Variants in TPM3 observed in about 807,000 individuals in gnomAD.
TPM3 encodes the protein tropomyosin alpha-3 chain.
A neutral mutation model predicts 43.1 loss-of-function variants in TPM3; 16 were observed. The ratio of observed to expected loss-of-function variants is 0.37; its 90% CI spans 0.25 to 0.56. The LOEUF (loss-of-function observed/expected upper bound fraction) is 0.56. Ranked by LOEUF, TPM3 falls within the 20% of genes least tolerant of loss-of-function variation. The pLI is 0.77. For synonymous variants in TPM3, 101 were observed against 116.9 expected, an observed-to-expected ratio of 0.86 and a Z score of 0.88; for missense variants, 176 against 337.2, an observed-to-expected ratio of 0.52 and a Z score of 3.74.
intron 9 of TPM3, 54 bp from the exon 10 acceptor site, chr1:154,167,994 T>G (rs542907687): frequency 2.5e-6 from 4 of 1,612,050 alleles, no homozygotes; most frequent in Non-Finnish European, 3.4e-6. Context: ...TCAATCTAGA[T>G]AGCAAACTGG....
At chr1:154,161,800 T>C (rs898259930), downstream of TPM3, among the ~76,000 whole-genome samples, 7 of 152,144 alleles carry the variant, frequency 4.6e-5, no homozygotes, top group East Asian at 1.9e-4. Flanking sequence ...AGGGAAGAAA[T>C]AAAGAGACAG....
At chr1:154,191,077 A>C in intron 2 of TPM3, 109 bp downstream of exon 2, 1 of 1,543,894 alleles carries the variant, frequency 6.5e-7, no homozygotes, top group Non-Finnish European at 8.9e-7. Context: ...ATGTGAGTAT[A>C]TATGTCTGTG....
intron 2 of TPM3, among the ~76,000 whole-genome samples, chr1:154,185,324 G>A (rs1346189166): frequency 6.7e-6 from 1 of 148,812 alleles, no homozygotes; most frequent in Non-Finnish European, 1.5e-5. Context: ...AGTGAGCTGA[G>A]ATGGTGCCAC....
In TPM3 at chr1:154,187,719, A is replaced by G. The variant is rs1047743985; in HGVS notation, c.243+3467T>C. Among the ~76,000 whole-genome samples, 19 of 151,362 alleles carry G rather than the reference A, an allele frequency of 1.3e-4. 1 individual carries two copies. The highest frequency in any genetic ancestry group is 4.4e-4 in the African/African-American group (18 of 40,728). ...CAGCCTCTATGTTATTCTCCTTCTC[A>G]TGATCTCAGGTTAGACTTGTTCTTT... On this transcript the variant is annotated intron_variant, in intron 2 of 9. Transcript: ENST00000651641.
chr1:154,158,610 T>A, downstream of TPM3: 1 of 370,656 alleles, frequency 2.7e-6, no homozygotes, highest in Non-Finnish European at 5.1e-6. Context: ...TACAACAACT[T>A]GTCAAGTCAG....
intron 8 of TPM3, chr1:154,169,628 A>C (rs982539101): frequency 1.7e-6 from 1 of 581,848 alleles, no homozygotes; most frequent in East Asian, 2.9e-5. Context: ...GGGCACAGTC[A>C]TAACTAGAAA....
chr1:154,160,508 A>G (rs1042213066), downstream of TPM3, among the ~76,000 whole-genome samples: 2 of 152,218 alleles, frequency 1.3e-5, no homozygotes, highest in African/African-American at 4.8e-5. Flanking sequence ...TAGCTGTATT[A>G]AACAGTAGAA....
intron 5 of TPM3, chr1:154,172,003 C>T (rs754427205): frequency 6.2e-7 from 1 of 1,612,566 alleles, no homozygotes; most frequent in Non-Finnish European, 8.5e-7. Flanking sequence ...CATATATAAC[C>T]TTGCTGTGGG....
chr1:154,176,026 G>C (rs1341295971), intron 3 of TPM3, 89 bp downstream of exon 3: 4 of 1,595,680 alleles, frequency 2.5e-6, no homozygotes, highest in Non-Finnish European at 3.4e-6. Flanking sequence ...AGCCAGAATT[G>C]CTATTTAGAA....
chr1:154,165,853 T>C lies in TPM3; in HGVS notation c.*2084A>G, dbSNP rs1660896305. 6.6e-6 allele frequency among the ~76,000 whole-genome samples: 1 copy of C among 151,814 alleles called. No individual in the cohort carries two copies. Among genetic ancestry groups the C allele is most frequent in the Admixed American group, 6.6e-5 (1 of 15,226 alleles). ...ACATGTTTATGAAGTACCCATTACATGCCTTCTTCCATGAGTTTTTCCAAT... is the reference window on the plus strand; with the variant it reads ...ACATGTTTATGAAGTACCCATTACACGCCTTCTTCCATGAGTTTTTCCAAT... On this transcript the variant is annotated 3_prime_UTR_variant, in exon 10 of 10. Transcript: ENST00000651641.
chr1:154,161,358 CA>C (rs1660341504), downstream of TPM3, among the ~76,000 whole-genome samples: 1 of 150,726 alleles, frequency 6.6e-6, no homozygotes, highest in Non-Finnish European at 1.5e-5. Context: ...ATCTCGTGAA[CA>C]GCCTGAATTT....
chr1:154,172,229 C>T (rs1434784601), intron 5 of TPM3: 2 of 916,638 alleles, frequency 2.2e-6, no homozygotes, highest in Non-Finnish European at 3.7e-6. Context: ...GGGAAGAGAA[C>T]ACCACCATGG....
chr1:154,176,048 A>C (rs893566380), intron 3 of TPM3, 67 bp downstream of exon 3: 1 of 1,609,126 alleles, frequency 6.2e-7, no homozygotes, highest in Non-Finnish European at 8.5e-7. Flanking sequence ...ACAGGTCTAT[A>C]AGGAAATCTT....
chr1:154,174,413 C>CACACA (rs1252726316), intron 3 of TPM3, among the ~76,000 whole-genome samples: 2 of 64,234 alleles, frequency 3.1e-5, no homozygotes, highest in African/African-American at 5.2e-5. Flanking sequence ...TATATACACA[C>CACACA]AAAAATCCCA....
intron 2 of TPM3, among the ~76,000 whole-genome samples, chr1:154,179,571 C>A (rs1243109785): frequency 1.3e-5 from 2 of 151,848 alleles, no homozygotes; most frequent in Non-Finnish European, 2.9e-5. Flanking sequence ...AGTGTGCTGA[C>A]CTTACACTCC....
Position 154,163,548 on chromosome 1 carries a change from C to A in TPM3, c.*4389G>T, listed in dbSNP as rs886045297. Among the ~76,000 whole-genome samples the A allele has an allele frequency of 3.9e-5, 6 of 152,114 alleles. No individual in the cohort carries two copies. Among genetic ancestry groups the A allele is most frequent in the Non-Finnish European group, 7.4e-5 (5 of 68,022 alleles). On this transcript the variant is annotated 3_prime_UTR_variant, in exon 10 of 10. Coordinates refer to ENST00000651641, the MANE Select transcript of TPM3 (RefSeq NM_152263.4). ...GAAAAACCACTAGAAAGCATCCAACCCGGAACTTTTTAAAGAACTACTCAA... is the reference window on the plus strand; with the variant it reads ...GAAAAACCACTAGAAAGCATCCAACACGGAACTTTTTAAAGAACTACTCAA...
At chr1:154,161,437 CT>C (rs966387714), downstream of TPM3, among the ~76,000 whole-genome samples, 9,437 of 113,374 alleles carry the variant, frequency 0.083, 198 homozygotes, top group African/African-American at 0.17. Context: ...TATCAGGATC[CT>C]TTTTTTTTTT....
intron 2 of TPM3, among the ~76,000 whole-genome samples, chr1:154,188,656 C>G (rs1663524447): frequency 7.8e-6 from 1 of 128,304 alleles, no homozygotes; most frequent in Admixed American, 8.7e-5. Flanking sequence ...GCCTGGGTGA[C>G]ACAGCAAGAC....
chr1:154,174,368 G>GTGTATATATATATATATATATATA (rs1389219269), intron 3 of TPM3, among the ~76,000 whole-genome samples: 1 of 46,354 alleles, frequency 2.2e-5, no homozygotes, highest in African/African-American at 6.7e-5. Context: ...AAATATATGT[G>GTGTATATATATATATATATATATA]TATATATATA....
Sources: gnomAD v4.1 joint callset for allele counts (sites outside exome capture counted in the v4.1 genomes callset) on GRCh38, gnomAD v4.1.1 for gene constraint, MANE v1.5 for transcripts, NCBI Gene and HGNC (gene_info 2026-07-23, HGNC 2026-07-21) for gene names.